The following ZNF397 variants were observed in gnomAD, a reference collection of about 807,000 sequenced individuals.
The protein encoded by ZNF397 is zinc finger protein 397.
A neutral mutation model predicts 50.6 loss-of-function variants in ZNF397; 38 were observed. The observed-to-expected ratio is 0.75, with a 90% CI of 0.58 to 0.98. The LOEUF is 0.98. Among genes scored for constraint, ZNF397 ranks in the 50% least tolerant of loss-of-function variants. The pLI is 0.00. For synonymous variants in ZNF397, 228 were observed against 215.2 expected, an observed-to-expected ratio of 1.06 and a Z score of -0.52; for missense variants, 624 against 624.1, an observed-to-expected ratio of 1.00 and a Z score of 0.00.
chr18:35,254,580 G>A (rs893204370), downstream of ZNF397: 3 of 870,378 alleles, frequency 3.4e-6, no homozygotes, highest in African/African-American at 5.1e-5. Flanking sequence ...GGTAGACAAA[G>A]AAATGAATTA....
chr18:35,253,768 T>TTC (rs779611332), downstream of ZNF397: 54 of 1,614,068 alleles, frequency 3.3e-5, no homozygotes, highest in South Asian at 5.2e-4. Flanking sequence ...CCTTCCCACA[T>TTC]TCTCCACATT....
chr18:35,256,491 G>A (rs1364642743), intron 5 of ZNF397, among the ~76,000 whole-genome samples: 1 of 151,960 alleles, frequency 6.6e-6, no homozygotes. Context: ...AACCAGGGAC[G>A]TGGAGGTTGC....
Position 35,245,499 on chromosome 18 carries a change from G to C in ZNF397, c.794G>C (p.Cys265Ser). The C allele has an allele frequency of 1.3e-6, 2 of 1,552,474 alleles. No individual in the cohort carries two copies. The highest frequency in any genetic ancestry group is 2.4e-5 in the South Asian group (2 of 84,084). The stretch of plus-strand genomic sequence containing the variant: ...GACCTTTATGATGAGGCTGAAAGAT[G>C]CTTGATTCTAACTACAGACTCTATA... ...KRDLYDEAER[C>S]LILTTDSIMC... is the part of the protein sequence containing the mutation. Residue 265 changes from cysteine to serine, a missense_variant, in exon 4 of 4, where the codon TGC becomes TCC. Coordinates refer to ENST00000330501, the MANE Select transcript of ZNF397 (RefSeq NM_001135178.3).
downstream of ZNF397, chr18:35,253,352 C>G: frequency 1.0e-6 from 1 of 955,840 alleles, no homozygotes; most frequent in Non-Finnish European, 1.5e-6. Context: ...GAGGGAAGGA[C>G]AGAAGTTCTG....
intron 3 of ZNF397, among the ~76,000 whole-genome samples, chr18:35,244,256 C>T (rs1459777748): frequency 2.0e-5 from 3 of 152,178 alleles, no homozygotes; most frequent in Non-Finnish European, 4.4e-5. Flanking sequence ...ACTGAGGTTT[C>T]AGTCTTCAAC....
In ZNF397 at chr18:35,242,586, A is replaced by T; in HGVS notation, c.116A>T (p.Asn39Ile). The change falls in exon 2 of 4, where the codon AAT (asparagine) becomes ATT (isoleucine). Residue 39 changes from asparagine (N) to isoleucine (I), a missense_variant. Asn to Ile is a moderately radical substitution (Grantham distance 149). Transcript: ENST00000330501. ...TCCTGGGATGAGAAATTTAAGCAGA[A>T]TGGGAGTACTCAATCCTGCCAAGAA... ...NFSWDEKFKQ[N>I]GSTQSCQELF... The T allele has an allele frequency of 6.2e-7, 1 of 1,614,224 alleles. No individual in the cohort carries two copies. Among genetic ancestry groups the T allele is most frequent in the South Asian group, 1.1e-5 (1 of 91,084 alleles).
intron 1 of ZNF397, 87 bp from the exon 2 acceptor site, chr18:35,242,304 A>C: frequency 8.4e-6 from 5 of 593,850 alleles, no homozygotes; most frequent in Non-Finnish European, 1.4e-5. Context: ...CCCTTTCAAT[A>C]TATTACTAAA....
At chr18:35,253,516 T>C (rs768078296), downstream of ZNF397, 4 of 1,612,332 alleles carry the variant, frequency 2.5e-6, no homozygotes, top group South Asian at 4.4e-5. Context: ...TTTTTCTACA[T>C]TCACTACATT....
At chr18:35,254,181 A>G (rs2043704969), downstream of ZNF397, 3 of 1,614,030 alleles carry the variant, frequency 1.9e-6, no homozygotes, top group African/African-American at 4.0e-5. Context: ...CTGTCCTGGG[A>G]AGGAAGCTGA....
At chr18:35,251,425 C>G (rs1031538544), downstream of ZNF397, 23 of 152,182 alleles carry the variant, frequency 1.5e-4, no homozygotes, top group African/African-American at 5.1e-4. Context: ...TCTGATCGAC[C>G]TCACTCGATA....
downstream of ZNF397, chr18:35,251,252 T>A (rs567315858): frequency 6.6e-6 from 1 of 152,306 alleles, no homozygotes; most frequent in East Asian, 1.9e-4. Context: ...CTATGGGCAT[T>A]GGGATTGGGG....
downstream of ZNF397, chr18:35,253,725 T>C (rs1569058171): frequency 1.9e-6 from 3 of 1,613,758 alleles, no homozygotes; most frequent in African/African-American, 2.7e-5. Flanking sequence ...TGAATTTTCT[T>C]ATGCTGAATA....
rs1468159240 is a variant in ZNF397 at position 35,246,022 on chromosome 18, G to A, written c.1317G>A (p.Glu439=). The A allele has an allele frequency of 6.4e-6, 10 of 1,570,242 alleles. No homozygotes were observed. In the South Asian group the frequency reaches 1.2e-4, roughly 18 times the overall value. Reference sequence around the variant, plus strand: ...GAAAAGCTTTCAGGCAGAGCTCAGAGCTGATTACTCATCAGAGAATACATA... The same window carrying A: ...GAAAAGCTTTCAGGCAGAGCTCAGAACTGATTACTCATCAGAGAATACATA... ...ECGKAFRQSS[E]LITHQRIHSG... The change falls in exon 4 of 4, where the codon GAG becomes GAA. Residue 439 remains glutamate (E), a synonymous_variant. Coordinates refer to ENST00000330501, the MANE Select transcript of ZNF397 (RefSeq NM_001135178.3).
chr18:35,243,595 A>G, intron 3 of ZNF397: 2 of 597,416 alleles, frequency 3.3e-6, no homozygotes, highest in Non-Finnish European at 5.9e-6. Context: ...GGTGATGGAC[A>G]AATAAAAAGG....
chr18:35,245,121 C>A, intron 3 of ZNF397, 141 bp from the exon 4 acceptor site: 1 of 1,083,902 alleles, frequency 9.2e-7, no homozygotes, highest in Non-Finnish European at 1.3e-6. Context: ...AAGAGAGACC[C>A]TCTTTTGGCC....
chr18:35,253,524 A>G (rs1418936211), downstream of ZNF397: 2 of 1,613,092 alleles, frequency 1.2e-6, no homozygotes, highest in South Asian at 1.1e-5. Context: ...CATTCACTAC[A>G]TTCATAAGGC....
chr18:35,245,753 T>A lies in ZNF397; in HGVS notation c.1048T>A (p.Phe350Ile). The A allele has an allele frequency of 6.4e-7, 1 of 1,552,164 alleles. No homozygotes were observed. ...AYECSECGKA[F>I]NQSSALIRHR... ...TGAATGTAGTGAATGTGGGAAAGCT[T>A]TCAATCAGAGCTCAGCCCTCATTAG... Residue 350 changes from phenylalanine (F) to isoleucine (I), a missense_variant, in exon 4 of 4, where the codon TTC (phenylalanine) becomes ATC (isoleucine). Phe to Ile is a conservative substitution (Grantham distance 21). Coordinates refer to ENST00000330501, the MANE Select transcript of ZNF397 (RefSeq NM_001135178.3).
In ZNF397 at chr18:35,248,079, T is replaced by C. The variant is rs1201130888; in HGVS notation, c.*1769T>C. Reference sequence around the variant, plus strand: ...TCTGAGGGGCCTAGCAGGAAGAGAATATTTAGACTGATGCTTAGTGTAAGA... The same window carrying C: ...TCTGAGGGGCCTAGCAGGAAGAGAACATTTAGACTGATGCTTAGTGTAAGA... On this transcript the variant is annotated 3_prime_UTR_variant, in exon 4 of 4. Transcript: ENST00000330501. 1.3e-5 allele frequency: 2 copies of C among 152,226 alleles called. No individual in the cohort carries two copies. The highest frequency in any genetic ancestry group is 2.9e-5 in the Non-Finnish European group (2 of 68,048). The allele number at this position is 152,226 out of a possible 1,614,324, so 9.4% of individuals were successfully genotyped here.
chr18:35,255,635 A>G (rs1402623665), intron 5 of ZNF397: 1 of 154,358 alleles, frequency 6.5e-6, no homozygotes, highest in African/African-American at 2.4e-5. Flanking sequence ...GCTTTTATAT[A>G]AAAATGAATA....
Sources: allele counts gnomAD v4.1 joint callset (sites outside exome capture counted in the v4.1 genomes callset), GRCh38; gene constraint gnomAD v4.1.1; transcripts MANE v1.5; gene names NCBI Gene and HGNC (gene_info 2026-07-23, HGNC 2026-07-21).